Variants in MYO16 observed in about 807,000 individuals in gnomAD.
The protein encoded by MYO16 is unconventional myosin-XVI.
Under a neutral mutation model 205.3 loss-of-function variants are expected in MYO16, and 94 were observed. The ratio of observed to expected loss-of-function variants is 0.46; its 90% confidence interval spans 0.39 to 0.54. The LOEUF is 0.54. Among genes scored for constraint, MYO16 ranks in the 20% least tolerant of loss-of-function variants. The pLI is 0.00. For synonymous variants in MYO16, 988 were observed against 954.0 expected (o/e 1.04, Z -0.66); for missense variants, 2,315 against 2,387.5 (o/e 0.97, Z 0.63).
chr13:108,795,211 A>T (rs200039210), intron 6 of MYO16, among the ~76,000 whole-genome samples: 10 of 103,660 alleles, frequency 9.6e-5, no homozygotes, highest in South Asian at 3.3e-4. Flanking sequence ...TTTTTTTTTT[A>T]AATGGAATCT....
intron 34 of MYO16, among the ~76,000 whole-genome samples, chr13:109,197,042 T>C (rs1204038910): frequency 1.3e-5 from 2 of 152,306 alleles, no homozygotes; most frequent in Middle Eastern, 3.4e-3. Context: ...CATGTAAGTT[T>C]ATTTGATCCC....
At chr13:108,808,912 C>T (rs527839650) in intron 7 of MYO16, among the ~76,000 whole-genome samples, 12 of 152,292 alleles carry the variant, frequency 7.9e-5, no homozygotes, top group African/African-American at 2.6e-4. Flanking sequence ...CCTAGAGAAT[C>T]CTGTCCCTCA....
chr13:108,578,428 G>A, the MYO16 span, among the ~76,000 whole-genome samples: 1 of 152,180 alleles, frequency 6.6e-6, no homozygotes, highest in Non-Finnish European at 1.5e-5. Context: ...AAATATCGAG[G>A]TAATGGCAGT....
At chr13:108,803,570 C>T (rs1048067636) in intron 6 of MYO16, among the ~76,000 whole-genome samples, 1 of 152,128 alleles carries the variant, frequency 6.6e-6, no homozygotes, top group Non-Finnish European at 1.5e-5. Flanking sequence ...GTTCTAATGA[C>T]CAAATGACCC....
chr13:108,733,349 A>C (rs745955540), intron 4 of MYO16, among the ~76,000 whole-genome samples: 8 of 152,176 alleles, frequency 5.3e-5, no homozygotes, highest in Non-Finnish European at 1.2e-4. Flanking sequence ...ATTCTCACAG[A>C]ATTCTATTAT....
At chr13:108,871,564 T>C (rs7321660) in intron 12 of MYO16, among the ~76,000 whole-genome samples, 47,924 of 151,986 alleles carry the variant, frequency 0.32, 8,000 homozygotes, top group Non-Finnish European at 0.37. Context: ...GTTTAATTTT[T>C]TTATTTGCTC....
Position 108,668,485 on chromosome 13 carries a change from A to T in MYO16, c.292+2336A>T, listed in dbSNP as rs117375835. 3.7e-3 allele frequency among the ~76,000 whole-genome samples: 566 copies of T among 152,316 alleles called. 4 individuals carry two copies. The highest frequency in any genetic ancestry group is 0.012 in the African/African-American group (484 of 41,562). ...ACAAACAGCGTAAGTATTACCTTAC[A>T]GTTCTGTAGGTCTGAGGTGAGGTAT... On this transcript the variant is annotated intron_variant, in intron 2 of 34. Coordinates refer to ENST00000457511, the MANE Select transcript of MYO16 (RefSeq NM_001198950.3).
At chr13:108,500,218 TTTG>T in the MYO16 span, among the ~76,000 whole-genome samples, 1 of 4,988 alleles carries the variant, frequency 2.0e-4, no homozygotes, top group African/African-American at 2.7e-4. Flanking sequence ...TTTTTTTTTT[TTTG>T]TTTTTTTTTT....
intron 33 of MYO16, among the ~76,000 whole-genome samples, chr13:109,168,810 CTAA>C (rs1878805195): frequency 6.6e-6 from 1 of 152,132 alleles, no homozygotes. Context: ...AATATTTTAA[CTAA>C]TGACAATGCA....
rs142417828 is a variant in MYO16, at chr13:108,705,933, A to G, written c.293-6728A>G. On this transcript the variant is annotated intron_variant, in intron 2 of 34. Transcript: ENST00000457511. ...TAAAGAAGAATTAATACTAGTTTTC[A>G]TAAATGCTTTTAAAAATATGAACAG... Among the ~76,000 whole-genome samples, 8 of 152,320 alleles carry G rather than the reference A, an allele frequency of 5.3e-5. No individual in the cohort carries two copies. In the East Asian group the frequency reaches 1.5e-3, roughly 29 times the overall value.
At chr13:109,160,747 T>C (rs961225479) in intron 32 of MYO16, among the ~76,000 whole-genome samples, 1 of 152,244 alleles carries the variant, frequency 6.6e-6, no homozygotes, top group African/African-American at 2.4e-5. Context: ...TGGCCACTGC[T>C]TGAAGGCATG....
chr13:109,102,579 G>C (rs1378586541), intron 28 of MYO16, among the ~76,000 whole-genome samples: 1 of 151,932 alleles, frequency 6.6e-6, no homozygotes, highest in Admixed American at 6.6e-5. Context: ...ATTTTTATTT[G>C]TAGAAGAAAG....
intron 33 of MYO16, chr13:109,167,218 G>A (rs1253525567): frequency 6.6e-6 from 1 of 152,172 alleles, no homozygotes; most frequent in Middle Eastern, 3.1e-3. Context: ...ACTAAATCCA[G>A]GCCACACTCA....
At chr13:109,002,419 T>G (rs74121934) in intron 21 of MYO16, among the ~76,000 whole-genome samples, 21,749 of 152,242 alleles carry the variant, frequency 0.14, 1,640 homozygotes, top group East Asian at 0.2. Context: ...AAGCAATAAG[T>G]TTCCGTTCCT....
At chr13:108,543,010 A>C in the MYO16 span, among the ~76,000 whole-genome samples, 1 of 152,086 alleles carries the variant, frequency 6.6e-6, no homozygotes, top group Non-Finnish European at 1.5e-5. Flanking sequence ...GAGAAAACAT[A>C]GTTTTGTATT....
intron 4 of MYO16, among the ~76,000 whole-genome samples, chr13:108,737,695 A>C (rs1884754089): frequency 6.6e-6 from 1 of 152,196 alleles, no homozygotes; most frequent in African/African-American, 2.4e-5. Context: ...TGATTGGAAT[A>C]GTTTCAGACA....
the MYO16 span, among the ~76,000 whole-genome samples, chr13:108,532,171 A>T: frequency 6.6e-6 from 1 of 152,042 alleles, no homozygotes; most frequent in African/African-American, 2.4e-5. Context: ...GTGCCAGTGC[A>T]CTCTAGCCTG....
At position 108,745,689 on chromosome 13, in the gene MYO16, TAA is replaced by T. The variant is rs796419973; in HGVS notation, c.507+18113_507+18114del. Among the ~76,000 whole-genome samples, 4 of 151,508 alleles carry T rather than the reference TAA, an allele frequency of 2.6e-5. No homozygotes were observed. In the East Asian group the frequency reaches 7.8e-4, roughly 29 times the overall value. Reference sequence around the variant, plus strand: ...GCAAGGAAAACACAGTTTGAAGATATAAAAAAAACATCAGAACCAGTCACAGA... The same window carrying T: ...GCAAGGAAAACACAGTTTGAAGATATAAAAAACATCAGAACCAGTCACAGA... On this transcript the variant is annotated intron_variant, in intron 4 of 34. Coordinates refer to ENST00000457511, the MANE Select transcript of MYO16 (RefSeq NM_001198950.3).
At chr13:108,554,075 G>T in the MYO16 span, among the ~76,000 whole-genome samples, 20 of 151,968 alleles carry the variant, frequency 1.3e-4, no homozygotes, top group African/African-American at 4.4e-4. Flanking sequence ...TAGCACCTTG[G>T]GTTCTCTGAT....
Sources: gnomAD v4.1 joint callset for allele counts (sites outside exome capture counted in the v4.1 genomes callset) on GRCh38, gnomAD v4.1.1 for gene constraint, MANE v1.5 for transcripts, NCBI Gene and HGNC (gene_info 2026-07-23, HGNC 2026-07-21) for gene names.